The following ZNF541 variants were observed in gnomAD, a reference collection of about 807,000 sequenced individuals.
ZNF541 encodes zinc finger protein 541.
ZNF541 carries 23 observed loss-of-function variants against 123.5 expected under a neutral mutation model. The observed-to-expected ratio is 0.19, with a 90% confidence interval of 0.13 to 0.26. The LOEUF (loss-of-function observed/expected upper bound fraction) is 0.26. ZNF541 is among the 10% of genes least tolerant of loss of function. The pLI is 1.00. For missense variants in ZNF541, 1,612 were observed against 1,789.9 expected (o/e 0.90, Z 1.79); for synonymous variants, 751 against 754.5 (o/e 1.00, Z 0.08).
chr19:47,528,838 CT>C (rs1969430344), intron 14 of ZNF541, 111 bp downstream of exon 14: 2 of 739,012 alleles, frequency 2.7e-6, no homozygotes, highest in East Asian at 5.4e-5. Context: ...AGTAAGAGTG[CT>C]GCCACAGGCA....
chr19:47,562,853 AC>A (rs1344805567), intron 2 of ZNF541, among the ~76,000 whole-genome samples: 1 of 152,070 alleles, frequency 6.6e-6, no homozygotes, highest in African/African-American at 2.4e-5. Context: ...GTCTGGAGAG[AC>A]CACATTTTGT....
chr19:47,550,032 A>G lies in ZNF541; in HGVS notation c.308-547T>C, dbSNP rs545013048. ...TTTGGGAGGCTGAAGCAGGCGGATC[A>G]TTTGAGGTCAGGAGTTCAGGACGAG... On this transcript the variant is annotated intron_variant, in intron 3 of 16. Coordinates refer to ENST00000391901, the MANE Select transcript of ZNF541 (RefSeq NM_001277075.3). Among the ~76,000 whole-genome samples the G allele has an allele frequency of 4.6e-5, 7 of 152,238 alleles. No homozygotes were observed. The East Asian group carries it at 1.3e-3, about 29-fold the overall frequency.
rs764333721 is a variant in ZNF541, at chr19:47,521,438, G to T, written c.3887+41C>A. ...GGAGGAAGGGATCACAGGGGCTGAGGCTGGGAGCCCTGGGAGTGTTTCCAG... is the reference window on the plus strand; with the variant it reads ...GGAGGAAGGGATCACAGGGGCTGAGTCTGGGAGCCCTGGGAGTGTTTCCAG... On this transcript the variant is annotated intron_variant, in intron 16 of 16. Coordinates refer to ENST00000391901, the MANE Select transcript of ZNF541 (RefSeq NM_001277075.3). The surrounding 1 kb of genome is among the most constrained non-coding windows in gnomAD (Gnocchi z 4.2). 1 of 1,550,640 alleles carries T rather than the reference G, an allele frequency of 6.4e-7. No homozygotes were observed. Among genetic ancestry groups the T allele is most frequent in the East Asian group, 2.4e-5 (1 of 40,876 alleles).
At chr19:47,534,173 T>C (rs1039619983) in intron 9 of ZNF541, among the ~76,000 whole-genome samples, 3 of 152,072 alleles carry the variant, frequency 2.0e-5, no homozygotes, top group South Asian at 2.1e-4. Flanking sequence ...TGGGGCTCAA[T>C]AGGTTTGAGT....
At chr19:47,564,568 C>A (rs1340003237) in intron 2 of ZNF541, among the ~76,000 whole-genome samples, 4 of 152,162 alleles carry the variant, frequency 2.6e-5, no homozygotes, top group African/African-American at 9.7e-5. Context: ...TGCTCAACAT[C>A]ACTAACGATC....
chr19:47,555,780 C>A lies in ZNF541; in HGVS notation c.77G>T (p.Gly26Val), dbSNP rs1970795997. ...GTTGAGGGTGTCGCTGCAGTTGAGC[C>A]CTTGGCTCTCTGAAAATGAAGGGAG... ...MHLPSFSESQGLNCSDTLNRD... is the reference protein window; with the variant it reads ...MHLPSFSESQVLNCSDTLNRD... Residue 26 changes from glycine to valine, a missense_variant, in exon 3 of 17, where the codon GGG becomes GTG. Coordinates refer to ENST00000391901, the MANE Select transcript of ZNF541 (RefSeq NM_001277075.3). 6.4e-7 allele frequency: 1 copy of A among 1,551,530 alleles called. No individual in the cohort carries two copies. The highest frequency in any genetic ancestry group is 2.0e-5 in the Admixed American group (1 of 50,964).
intron 9 of ZNF541, among the ~76,000 whole-genome samples, chr19:47,534,578 G>C (rs1969729832): frequency 6.6e-6 from 1 of 152,042 alleles, no homozygotes; most frequent in African/African-American, 2.4e-5. Context: ...TTGGGAGTTA[G>C]AGGCTGCAGT....
intron 8 of ZNF541, among the ~76,000 whole-genome samples, chr19:47,539,297 CTTTTTTTTTTT>C (rs1001789975): frequency 2.4e-5 from 3 of 125,842 alleles, no homozygotes. Flanking sequence ...TCAAGATTTT[CTTTTTTTTTTT>C]TTTTTTTTTG....
intron 4 of ZNF541, among the ~76,000 whole-genome samples, chr19:47,546,824 G>A (rs946005151): frequency 4.6e-5 from 7 of 152,138 alleles, no homozygotes; most frequent in Non-Finnish European, 1.0e-4. Flanking sequence ...AGGTTCAAGC[G>A]ATTCTTGTGC....
intron 2 of ZNF541, among the ~76,000 whole-genome samples, chr19:47,569,892 G>T (rs1335557903): frequency 1.3e-5 from 2 of 151,456 alleles, no homozygotes; most frequent in African/African-American, 2.4e-5. Context: ...AAAGAAAGGA[G>T]AAAAGAAAAG....
chr19:47,544,234 A>G lies in ZNF541; in HGVS notation c.2295T>C (p.Asp765=). The G allele has an allele frequency of 6.4e-7, 1 of 1,551,564 alleles. No individual in the cohort carries two copies. The highest frequency in any genetic ancestry group is 8.7e-7 in the Non-Finnish European group (1 of 1,146,984). The change falls in exon 5 of 17, where the codon GAT becomes GAC. Residue 765 remains aspartate (D), a synonymous_variant. Coordinates refer to ENST00000391901, the MANE Select transcript of ZNF541 (RefSeq NM_001277075.3). The part of the protein sequence containing the change: ...SGFRKEKAKM[D]MCCAASPSQV... ...GGCTCGGAGAAGCCGCACAGCACATATCCATCTTCGCCTTCTCTTTCCGGA... is the reference window on the plus strand; with the variant it reads ...GGCTCGGAGAAGCCGCACAGCACATGTCCATCTTCGCCTTCTCTTTCCGGA...
At chr19:47,569,826 C>T (rs1402839165) in intron 2 of ZNF541, among the ~76,000 whole-genome samples, 11 of 151,924 alleles carry the variant, frequency 7.2e-5, no homozygotes, top group African/African-American at 2.7e-4. Context: ...CTCCAGTGAG[C>T]CAGGATCACA....
chr19:47,555,357 A>G (rs1233839811), intron 3 of ZNF541, among the ~76,000 whole-genome samples, 193 bp downstream of exon 3: 2 of 150,620 alleles, frequency 1.3e-5, no homozygotes, highest in Non-Finnish European at 3.0e-5. Flanking sequence ...GCAACAGAGC[A>G]AGACTCCATC....
At chr19:47,554,628 G>A (rs1202251615) in intron 3 of ZNF541, among the ~76,000 whole-genome samples, 3 of 152,096 alleles carry the variant, frequency 2.0e-5, no homozygotes, top group South Asian at 2.1e-4. Context: ...AGAAGGGACC[G>A]GACCCCAGTT....
intron 14 of ZNF541, among the ~76,000 whole-genome samples, chr19:47,525,774 ATGG>A (rs1481325742): frequency 7.2e-5 from 11 of 151,950 alleles, no homozygotes; most frequent in Non-Finnish European, 1.0e-4. Context: ...TTAGGCGGGC[ATGG>A]TGGTGGCATG....
intron 2 of ZNF541, among the ~76,000 whole-genome samples, chr19:47,558,458 AAAC>A (rs1179322722): frequency 6.6e-6 from 1 of 151,996 alleles, no homozygotes; most frequent in African/African-American, 2.4e-5. Flanking sequence ...ATAATACTAT[AAAC>A]AACTGTATTC....
chr19:47,544,780 G>T lies in ZNF541; in HGVS notation c.1749C>A (p.Pro583=). 6.6e-7 allele frequency: 1 copy of T among 1,514,840 alleles called. No homozygotes were observed. The highest frequency in any genetic ancestry group is 8.8e-7 in the Non-Finnish European group (1 of 1,134,364). The allele number at this position is 1,514,840 out of a possible 1,614,324, so 93.8% of individuals were successfully genotyped here. ...VAAVSSQLPA[P]EGKPAALRPL... is the part of the protein sequence containing the mutation. ...GCCTCAGGGCGGCTGGTTTGCCCTC[G>T]GGCGCAGGGAGCTGGGAGGAGACTG... is the stretch of plus-strand genomic sequence containing the variant. Residue 583 remains proline, a synonymous_variant, in exon 5 of 17, where the codon CCC becomes CCA. Transcript: ENST00000391901.
At chr19:47,526,396 C>T (rs988572334) in intron 14 of ZNF541, among the ~76,000 whole-genome samples, 5 of 149,872 alleles carry the variant, frequency 3.3e-5, no homozygotes, top group African/African-American at 7.4e-5. Flanking sequence ...GCAGGAGCAT[C>T]GCTTGAACCT....
rs760781589 is a variant in ZNF541, at chr19:47,521,430, G to C, written c.3887+49C>G. The C allele has an allele frequency of 3.9e-6, 6 of 1,550,450 alleles. No homozygotes were observed. In the East Asian group the frequency reaches 1.2e-4, roughly 32 times the overall value. On this transcript the variant is annotated intron_variant, in intron 16 of 16. Coordinates refer to ENST00000391901, the MANE Select transcript of ZNF541 (RefSeq NM_001277075.3). The surrounding 1 kb of genome is among the most constrained non-coding windows in gnomAD (Gnocchi z 4.2). ...CAGAGCAGGGAGGAAGGGATCACAG[G>C]GGCTGAGGCTGGGAGCCCTGGGAGT... is the stretch of plus-strand genomic sequence containing the variant.
Sources: allele counts gnomAD v4.1 joint callset (sites outside exome capture counted in the v4.1 genomes callset), GRCh38; gene constraint gnomAD v4.1.1; non-coding constraint Gnocchi (gnomAD v3.1); transcripts MANE v1.5; gene names NCBI Gene and HGNC (gene_info 2026-07-23, HGNC 2026-07-21).